Variants in RARB observed in about 807,000 individuals in gnomAD.
RARB encodes the protein HBV-activated protein.
A neutral mutation model predicts 51.9 loss-of-function variants in RARB; 17 were observed. The ratio of observed to expected loss-of-function variants is 0.33; its 90% confidence interval spans 0.22 to 0.49. The LOEUF is 0.49. RARB is among the 20% of genes least tolerant of loss of function. The pLI is 0.99. For missense variants in RARB, 369 were observed against 550.8 expected (o/e 0.67, Z 3.30); for synonymous variants, 215 against 195.4 (o/e 1.10, Z -0.84).
chr3:25,591,051 C>T (rs562218309), intron 5 of RARB, among the ~76,000 whole-genome samples: 4 of 152,276 alleles, frequency 2.6e-5, no homozygotes, highest in Admixed American at 6.5e-5. Flanking sequence ...TGAAGTGAAA[C>T]AGGTCAACCA....
chr3:25,141,271 A>G (rs9812604), intron 4 of RARB, among the ~76,000 whole-genome samples: 22,400 of 152,054 alleles, frequency 0.15, 1,811 homozygotes, highest in South Asian at 0.28. Context: ...GACACTGACA[A>G]ACATACATTC....
chr3:25,528,109 C>G (rs931587360), intron 3 of RARB, among the ~76,000 whole-genome samples: 2 of 152,152 alleles, frequency 1.3e-5, no homozygotes, highest in South Asian at 4.1e-4. Context: ...AGTAAAGAGG[C>G]TGGTGGATGT....
intron 1 of RARB, among the ~76,000 whole-genome samples, chr3:25,431,737 G>GA (rs1357112418): frequency 1.3e-5 from 2 of 151,874 alleles, no homozygotes; most frequent in African/African-American, 4.8e-5. Flanking sequence ...AAAGGAAAAA[G>GA]AAAAAAATAT....
chr3:25,361,948 G>A (rs11918045), intron 5 of RARB, among the ~76,000 whole-genome samples: 4,521 of 152,254 alleles, frequency 0.03, 252 homozygotes, highest in African/African-American at 0.1. Flanking sequence ...CCTTTCAGGA[G>A]GCACAGGGTT....
chr3:25,325,874 C>T (rs1704702088), intron 5 of RARB, among the ~76,000 whole-genome samples: 1 of 152,114 alleles, frequency 6.6e-6, no homozygotes, highest in Admixed American at 6.5e-5. Context: ...AGTGAAACAA[C>T]TTGTTAAATG....
intron 3 of RARB, among the ~76,000 whole-genome samples, chr3:25,080,483 A>T (rs1438232009): frequency 6.6e-6 from 1 of 152,204 alleles, no homozygotes; most frequent in Admixed American, 6.5e-5. Context: ...CCTTTTGAGG[A>T]ACTGCCAAAC....
chr3:25,468,882 C>T lies in RARB; in HGVS notation c.306+7541C>T, dbSNP rs140842282. 2.8e-3 allele frequency among the ~76,000 whole-genome samples: 431 copies of T among 152,320 alleles called. 2 individuals carry two copies. The highest frequency in any genetic ancestry group is 9.7e-3 in the African/African-American group (403 of 41,578). ...CTTTGATGGGTGGAAACTTCCTATCCCTAAGCCAACCTTTGGGGGCCACAA... is the reference window on the plus strand; with the variant it reads ...CTTTGATGGGTGGAAACTTCCTATCTCTAAGCCAACCTTTGGGGGCCACAA... On this transcript the variant is annotated intron_variant, in intron 2 of 7. Coordinates refer to ENST00000330688, the MANE Select transcript of RARB (RefSeq NM_000965.5).
intron 3 of RARB, among the ~76,000 whole-genome samples, chr3:25,061,837 A>T (rs138085013): frequency 5.3e-5 from 8 of 151,808 alleles, no homozygotes; most frequent in African/African-American, 1.9e-4. Flanking sequence ...TGAATTTTTG[A>T]AAAAAGAACT....
At chr3:25,048,089 C>T (rs1698253736) in intron 2 of RARB, among the ~76,000 whole-genome samples, 1 of 152,200 alleles carries the variant, frequency 6.6e-6, no homozygotes, top group South Asian at 2.1e-4. Flanking sequence ...GAGGCCTCTC[C>T]AGCCATGCTG....
intron 5 of RARB, among the ~76,000 whole-genome samples, chr3:25,205,412 G>T (rs112707433): frequency 6.6e-6 from 1 of 151,960 alleles, no homozygotes; most frequent in Non-Finnish European, 1.5e-5. Flanking sequence ...GCTCACGTTC[G>T]GTGCGCTGCA....
In RARB at chr3:25,294,503, G is replaced by A. The variant is rs553882658; in HGVS notation, c.178+119928G>A. On this transcript the variant is annotated intron_variant, in intron 5 of 11. Coordinates refer to the RARB transcript ENST00000383772. Reference sequence around the variant, plus strand: ...GCTAAAAGAGGAAACTGCAGAATGGGGCCACCCAGACATTAGCTACAACAG... The same window carrying A: ...GCTAAAAGAGGAAACTGCAGAATGGAGCCACCCAGACATTAGCTACAACAG... 9.2e-5 allele frequency among the ~76,000 whole-genome samples: 14 copies of A among 152,194 alleles called. No homozygotes were observed. The South Asian group carries it at 2.3e-3, about 25-fold the overall frequency.
In RARB at chr3:25,242,092, G is replaced by A. The variant is rs191205313; in HGVS notation, c.178+67517G>A. ...TGAGCTTCTTTTCATATGTTTTTTG[G>A]CCACATAAATGTCTTCTTTTCAAAA... On this transcript the variant is annotated intron_variant, in intron 5 of 11. Transcript: ENST00000383772. 5.9e-3 allele frequency among the ~76,000 whole-genome samples: 893 copies of A among 152,032 alleles called. 4 individuals are homozygous for A. The highest frequency in any genetic ancestry group is 0.015 in the South Asian group (73 of 4,816).
intron 5 of RARB, among the ~76,000 whole-genome samples, chr3:25,257,568 C>A (rs940842286): frequency 1.3e-5 from 2 of 152,034 alleles, no homozygotes; most frequent in Admixed American, 6.6e-5. Context: ...CTAAAATAGT[C>A]CAGATATGGA....
chr3:25,116,837 G>C lies in RARB; in HGVS notation c.-327-15324G>C, dbSNP rs143227966. ...TGTCTTCTATTGCTGCATTACCCTA[G>C]GTGATTCATGACAACTGAATAAGGA... On this transcript the variant is annotated intron_variant, in intron 3 of 11. Coordinates refer to the RARB transcript ENST00000383772. Among the ~76,000 whole-genome samples the C allele has an allele frequency of 9.4e-4, 143 of 152,046 alleles. 1 individual carries two copies. Among genetic ancestry groups the C allele is most frequent in the African/African-American group, 3.3e-3 (136 of 41,474 alleles).
rs188833815 is a variant in RARB at position 25,106,732 on chromosome 3, G to A, written c.-327-25429G>A. On this transcript the variant is annotated intron_variant, in intron 3 of 11. Transcript: ENST00000383772. The stretch of plus-strand genomic sequence containing the variant: ...ACACTTTCCTACTTTCTTAAGCAGA[G>A]CTTAGGGAATGTGATTTAACTTTTT... 3.3e-4 allele frequency among the ~76,000 whole-genome samples: 50 copies of A among 151,788 alleles called. No homozygotes were observed. The East Asian group carries it at 9.7e-3, about 30-fold the overall frequency.
chr3:25,072,667 G>C (rs1466490879), intron 3 of RARB, among the ~76,000 whole-genome samples: 5 of 152,068 alleles, frequency 3.3e-5, no homozygotes, highest in African/African-American at 1.2e-4. Flanking sequence ...AGCAGGCTTA[G>C]AAATGGCTTC....
chr3:25,504,770 C>CTTTT (rs61498243), intron 3 of RARB, among the ~76,000 whole-genome samples: 4 of 126,048 alleles, frequency 3.2e-5, no homozygotes, highest in Non-Finnish European at 4.8e-5. Flanking sequence ...ACATTAACCA[C>CTTTT]TTTTTTTTTT....
intron 5 of RARB, among the ~76,000 whole-genome samples, chr3:25,218,589 G>A (rs1203906726): frequency 1.3e-5 from 2 of 152,160 alleles, no homozygotes; most frequent in African/African-American, 2.4e-5. Flanking sequence ...TATTTACCCA[G>A]ACAGAGAGGA....
chr3:25,006,570 T>C (rs573145206), intron 2 of RARB, among the ~76,000 whole-genome samples: 1 of 152,310 alleles, frequency 6.6e-6, no homozygotes, highest in Admixed American at 6.5e-5. Context: ...CTTCATTTTT[T>C]TGAGGTAAAT....
Sources: allele counts gnomAD v4.1 joint callset (sites outside exome capture counted in the v4.1 genomes callset), GRCh38; gene constraint gnomAD v4.1.1; transcripts MANE v1.5; gene names NCBI Gene and HGNC (gene_info 2026-07-23, HGNC 2026-07-21).